ZMYM4: variants seen among roughly 807,000 people sequenced by gnomAD.
The protein encoded by ZMYM4 is zinc finger MYM-type protein 4.
A neutral mutation model predicts 183.2 loss-of-function variants in ZMYM4; 31 were observed. That is an observed-to-expected ratio of 0.17 (90% confidence interval 0.13 to 0.23). ZMYM4 has a LOEUF of 0.23. Among genes scored for constraint, ZMYM4 ranks in the 10% least tolerant of loss-of-function variants. The probability of loss-of-function intolerance (pLI) is 1.00; values close to 1 mark genes in which losing one functional copy is unlikely to be tolerated. For synonymous variants in ZMYM4, 592 were observed against 631.2 expected (o/e 0.94, Z 0.93); for missense variants, 1,273 against 1,840.3 (o/e 0.69, Z 5.64).
intron 15 of ZMYM4, among the ~76,000 whole-genome samples, chr1:35,391,258 ACTGCTTG>A (rs1644699382): frequency 6.6e-6 from 1 of 152,136 alleles, no homozygotes; most frequent in Non-Finnish European, 1.5e-5. Flanking sequence ...GCTGGAGGGG[ACTGCTTG>A]CAGAATGTAG....
At position 35,302,200 on chromosome 1, in the gene ZMYM4, C is replaced by CTTTTTTTTTTT. The variant is rs576277396; in HGVS notation, c.40-23145_40-23135dup. 5.1e-4 allele frequency among the ~76,000 whole-genome samples: 30 copies of CTTTTTTTTTTT among 58,554 alleles called. 2 individuals carry two copies. The highest frequency in any genetic ancestry group is 1.4e-3 in the African/African-American group (22 of 15,526). The allele number at this position is 58,554 out of a possible 152,430, so 38.4% of individuals were successfully genotyped here. On this transcript the variant is annotated intron_variant, in intron 1 of 29. Transcript: ENST00000314607. Reference sequence around the variant, plus strand: ...ATCCACAAGCTAAAAACGGCTCTTGCTTTTTTTTTTTTTTTTTTTTTTTTT... The same window carrying CTTTTTTTTTTT: ...ATCCACAAGCTAAAAACGGCTCTTGCTTTTTTTTTTTTTTTTTTTTTTTTTTTTTTTTTTTT...
intron 26 of ZMYM4, among the ~76,000 whole-genome samples, chr1:35,410,134 T>A (rs1243471159): frequency 6.6e-6 from 1 of 152,062 alleles, no homozygotes; most frequent in Non-Finnish European, 1.5e-5. Context: ...AGGCTCTTTT[T>A]AACAATCAGA....
chr1:35,304,505 T>TG (rs1437613421), intron 1 of ZMYM4, among the ~76,000 whole-genome samples: 2 of 151,796 alleles, frequency 1.3e-5, no homozygotes, highest in Non-Finnish European at 2.9e-5. Flanking sequence ...TCATCCAGGC[T>TG]GGGGTGCAAT....
At chr1:35,377,143 G>A (rs1010625401) in intron 7 of ZMYM4, among the ~76,000 whole-genome samples, 10 of 152,180 alleles carry the variant, frequency 6.6e-5, no homozygotes, top group South Asian at 4.2e-4. Context: ...CTGACCTCAA[G>A]TGATCTGCCC....
At chr1:35,410,492 T>G (rs1558194237) in intron 26 of ZMYM4, among the ~76,000 whole-genome samples, 2 of 151,670 alleles carry the variant, frequency 1.3e-5, no homozygotes, top group African/African-American at 4.8e-5. Flanking sequence ...ATTAATTAAT[T>G]TATTTATTTA....
At chr1:35,280,582 T>G (rs956312209) in intron 1 of ZMYM4, among the ~76,000 whole-genome samples, 4 of 152,254 alleles carry the variant, frequency 2.6e-5, no homozygotes, top group African/African-American at 9.6e-5. Flanking sequence ...TTCTGGAGGC[T>G]AAAAGTTTGA....
At chr1:35,293,092 C>T (rs1405016938) in intron 1 of ZMYM4, among the ~76,000 whole-genome samples, 2 of 151,908 alleles carry the variant, frequency 1.3e-5, no homozygotes, top group South Asian at 2.1e-4. Flanking sequence ...CCTCTAACCC[C>T]TAGGCTCAAG....
chr1:35,313,710 GAC>G (rs1641910625), intron 1 of ZMYM4, among the ~76,000 whole-genome samples: 1 of 152,088 alleles, frequency 6.6e-6, no homozygotes, highest in African/African-American at 2.4e-5. Flanking sequence ...TATTTGCAGT[GAC>G]AGTCTTAGAG....
intron 2 of ZMYM4, among the ~76,000 whole-genome samples, chr1:35,342,355 C>G (rs1386886459): frequency 1.3e-5 from 2 of 151,828 alleles, no homozygotes; most frequent in African/African-American, 4.8e-5. Flanking sequence ...GAGAGAAGGT[C>G]TTTCTCTGTT....
At chr1:35,299,221 T>C (rs2148740646) in intron 1 of ZMYM4, among the ~76,000 whole-genome samples, 1 of 152,264 alleles carries the variant, frequency 6.6e-6, no homozygotes, top group South Asian at 2.1e-4. Context: ...ACATTTTCCT[T>C]TACTTTCAGT....
intron 1 of ZMYM4, among the ~76,000 whole-genome samples, chr1:35,314,400 T>C (rs996309532): frequency 4.0e-5 from 6 of 151,892 alleles, no homozygotes; most frequent in African/African-American, 1.5e-4. Flanking sequence ...TTCTCCTGCC[T>C]CAGCCTCCTG....
intron 2 of ZMYM4, among the ~76,000 whole-genome samples, chr1:35,353,284 T>C (rs897352073): frequency 6.6e-6 from 1 of 152,216 alleles, no homozygotes; most frequent in African/African-American, 2.4e-5. Context: ...TCTTCCTGCT[T>C]CCATTCTTCT....
chr1:35,326,869 TC>T (rs1398879456), intron 2 of ZMYM4, among the ~76,000 whole-genome samples: 1 of 152,180 alleles, frequency 6.6e-6, no homozygotes, highest in Non-Finnish European at 1.5e-5. Flanking sequence ...TTTTTTTCTC[TC>T]TTTTTTTGAG....
chr1:35,351,268 A>G (rs1014599121), intron 2 of ZMYM4: 3 of 1,581,430 alleles, frequency 1.9e-6, no homozygotes, highest in Non-Finnish European at 1.7e-6. Context: ...CCTGGTTATG[A>G]TTCTGAAAGC....
At chr1:35,327,972 C>T (rs1369798293) in intron 2 of ZMYM4, among the ~76,000 whole-genome samples, 1 of 152,188 alleles carries the variant, frequency 6.6e-6, no homozygotes, top group African/African-American at 2.4e-5. Context: ...TGTCACTACT[C>T]ACTTTCGCCA....
intron 1 of ZMYM4, among the ~76,000 whole-genome samples, chr1:35,269,551 C>T (rs971718134): frequency 6.6e-6 from 1 of 152,020 alleles, no homozygotes; most frequent in African/African-American, 2.4e-5. Flanking sequence ...GCCTCCTTTC[C>T]CCTCCCCCCA....
At chr1:35,362,710 C>T (rs1643967373) in intron 5 of ZMYM4, among the ~76,000 whole-genome samples, 1 of 148,078 alleles carries the variant, frequency 6.8e-6, no homozygotes, top group Non-Finnish European at 1.5e-5. Context: ...TGTTTTTTCT[C>T]TTTTTTTTTT....
chr1:35,405,729 C>T (rs145809488), intron 25 of ZMYM4, among the ~76,000 whole-genome samples: 6 of 149,880 alleles, frequency 4.0e-5, no homozygotes, highest in South Asian at 2.1e-4. Flanking sequence ...TTGAGCCCTG[C>T]GTCTGTATAG....
At chr1:35,375,396 A>G (rs1419679290) in intron 7 of ZMYM4, among the ~76,000 whole-genome samples, 3 of 152,228 alleles carry the variant, frequency 2.0e-5, no homozygotes, top group Non-Finnish European at 4.4e-5. Flanking sequence ...TAAGGAAGCT[A>G]AATTCAAAGA....
Sources: allele counts gnomAD v4.1 joint callset (sites outside exome capture counted in the v4.1 genomes callset), GRCh38; gene constraint gnomAD v4.1.1; transcripts MANE v1.5; gene names NCBI Gene and HGNC (gene_info 2026-07-23, HGNC 2026-07-21).